ATRNL1: variants seen among roughly 807,000 people sequenced by gnomAD.
ATRNL1 encodes the protein attractin-like protein 1.
ATRNL1 carries 95 observed loss-of-function variants against 182.7 expected under a neutral mutation model. The observed-to-expected ratio is 0.52, with a 90% CI of 0.44 to 0.62. The LOEUF (loss-of-function observed/expected upper bound fraction) is 0.62, where lower values mean the gene tolerates loss of function less well. Among genes scored for constraint, ATRNL1 ranks in the 20% least tolerant of loss-of-function variants. The pLI is 0.00. For synonymous variants in ATRNL1, 576 were observed against 568.3 expected, an observed-to-expected ratio of 1.01 and a Z score of -0.19; for missense variants, 1,471 against 1,679.5, an observed-to-expected ratio of 0.88 and a Z score of 2.17.
intron 25 of ATRNL1, among the ~76,000 whole-genome samples, chr10:115,531,326 G>T (rs1851567415): frequency 6.6e-6 from 1 of 152,002 alleles, no homozygotes; most frequent in African/African-American, 2.4e-5. Flanking sequence ...CATTCTGACT[G>T]GTGTGAGATG....
At chr10:115,782,121 C>A (rs1277532482) in intron 27 of ATRNL1, among the ~76,000 whole-genome samples, 1 of 152,134 alleles carries the variant, frequency 6.6e-6, no homozygotes, top group African/African-American at 2.4e-5. Context: ...AGTGTCTTTA[C>A]GCTATTCTAA....
In ATRNL1 at chr10:115,626,344, G is replaced by T. The variant is rs567317951; in HGVS notation, c.3795+76808G>T. ...TTGCTCAGTGGCCAAATCAACATAG[G>T]TTCATTTTAAACATCAGCTGTTCTG... On this transcript the variant is annotated intron_variant, in intron 26 of 28. Transcript: ENST00000355044. 2.6e-3 allele frequency among the ~76,000 whole-genome samples: 397 copies of T among 152,194 alleles called. 1 individual carries two copies. The highest frequency in any genetic ancestry group is 9.0e-3 in the African/African-American group (373 of 41,546).
At chr10:115,501,801 A>G (rs533898041) in intron 24 of ATRNL1, among the ~76,000 whole-genome samples, 2 of 152,208 alleles carry the variant, frequency 1.3e-5, no homozygotes, top group African/African-American at 2.4e-5. Flanking sequence ...GTAGTCATCT[A>G]TTAGTTCAGT....
intron 5 of ATRNL1, among the ~76,000 whole-genome samples, chr10:115,151,996 T>C (rs1846256291): frequency 6.6e-6 from 1 of 152,208 alleles, no homozygotes; most frequent in Non-Finnish European, 1.5e-5. Context: ...ATTGTTTTTG[T>C]CAGGTTTGTC....
At chr10:115,604,792 A>G (rs1856789684) in intron 26 of ATRNL1, among the ~76,000 whole-genome samples, 1 of 152,152 alleles carries the variant, frequency 6.6e-6, no homozygotes, top group African/African-American at 2.4e-5. Flanking sequence ...AGACTTTCAT[A>G]GATTTTCTCC....
At chr10:115,922,994 G>C (rs1310789229) in intron 28 of ATRNL1, among the ~76,000 whole-genome samples, 2 of 152,066 alleles carry the variant, frequency 1.3e-5, no homozygotes, top group Non-Finnish European at 1.5e-5. Context: ...CACCGTAAAG[G>C]AATATGAATA....
chr10:115,583,745 C>T (rs1438996969), intron 26 of ATRNL1, among the ~76,000 whole-genome samples: 30 of 150,420 alleles, frequency 2.0e-4, no homozygotes, highest in African/African-American at 6.5e-4. Flanking sequence ...CCTTTATTTC[C>T]TTCTCCTGTC....
chr10:115,213,283 G>A (rs140641782), intron 8 of ATRNL1, among the ~76,000 whole-genome samples: 206 of 152,158 alleles, frequency 1.4e-3, no homozygotes, highest in Admixed American at 3.1e-3. Flanking sequence ...AGGTCTTGTG[G>A]TGAGATCTCT....
intron 27 of ATRNL1, among the ~76,000 whole-genome samples, chr10:115,779,359 A>G (rs1949206957): frequency 6.6e-6 from 1 of 152,248 alleles, no homozygotes; most frequent in Non-Finnish European, 1.5e-5. Context: ...GCTCTAGGTC[A>G]GCGAGTCATC....
chr10:115,310,357 G>T (rs151322403), intron 17 of ATRNL1, among the ~76,000 whole-genome samples: 11 of 152,000 alleles, frequency 7.2e-5, no homozygotes, highest in Non-Finnish European at 1.5e-5. Context: ...TTCATAGAAT[G>T]AGTTAGGAAA....
intron 26 of ATRNL1, among the ~76,000 whole-genome samples, chr10:115,592,945 GTCTA>G (rs1264774313): frequency 3.3e-5 from 5 of 152,036 alleles, no homozygotes; most frequent in African/African-American, 4.8e-5. Context: ...CTGTCTATCT[GTCTA>G]TCTATCTATC....
intron 20 of ATRNL1, among the ~76,000 whole-genome samples, chr10:115,424,570 T>C (rs1845796573): frequency 6.6e-6 from 1 of 152,154 alleles, no homozygotes; most frequent in East Asian, 1.9e-4. Flanking sequence ...AAATATGTCA[T>C]ATATTTTTGG....
chr10:115,496,989 C>T lies in ATRNL1; in HGVS notation c.3655-22274C>T, dbSNP rs1323918060. On this transcript the variant is annotated intron_variant, in intron 24 of 28. Coordinates refer to ENST00000355044, the MANE Select transcript of ATRNL1 (RefSeq NM_207303.4). The stretch of plus-strand genomic sequence containing the variant: ...CTGGCTTTCTCTCCCTGTCTTTCAG[C>T]GACACCAGTGAGTTGTAGATTTGGT... 6.6e-5 allele frequency among the ~76,000 whole-genome samples: 10 copies of T among 152,234 alleles called. No homozygotes were observed. In the East Asian group the frequency reaches 9.7e-4, roughly 15 times the overall value.
At chr10:115,117,025 T>A (rs551576275) in intron 1 of ATRNL1, among the ~76,000 whole-genome samples, 35 of 152,018 alleles carry the variant, frequency 2.3e-4, no homozygotes, top group Non-Finnish European at 5.0e-4. Context: ...CTATGGTAGC[T>A]CCTACAATAT....
chr10:115,441,378 T>C (rs1554965675), intron 21 of ATRNL1, among the ~76,000 whole-genome samples: 2 of 151,946 alleles, frequency 1.3e-5, no homozygotes, highest in African/African-American at 2.4e-5. Context: ...CATTTCCTCT[T>C]CAATCCCCAC....
chr10:115,385,051 A>T (rs146775999), intron 19 of ATRNL1, among the ~76,000 whole-genome samples: 34 of 152,072 alleles, frequency 2.2e-4, no homozygotes, highest in African/African-American at 7.2e-4. Context: ...TCTTGGGTAA[A>T]TACTTTAGAG....
rs1470492887 is a variant in ATRNL1 at position 115,355,822 on chromosome 10, ATTTTGTTGATCTTTTTATAGGT to A, written c.3175+21409_3175+21430del. On this transcript the variant is annotated intron_variant, in intron 19 of 28. Transcript: ENST00000355044. ...TTTATATCTGTTATGTTTTTAGTTC[ATTTTGTTGATCTTTTTATAGGT>A]TTTTGAATAGTAGGCTTATCTGATT... is the stretch of plus-strand genomic sequence containing the variant. Among the ~76,000 whole-genome samples, 4 of 151,712 alleles carry A rather than the reference ATTTTGTTGATCTTTTTATAGGT, an allele frequency of 2.6e-5. No individual in the cohort carries two copies. In the South Asian group the frequency reaches 6.2e-4, roughly 24 times the overall value.
At chr10:115,186,981 CAT>C (rs1268875080) in intron 8 of ATRNL1, among the ~76,000 whole-genome samples, 14 of 151,902 alleles carry the variant, frequency 9.2e-5, no homozygotes, top group African/African-American at 3.4e-4. Context: ...TAAAGCAAAA[CAT>C]AAAAATGGCC....
intron 20 of ATRNL1, among the ~76,000 whole-genome samples, chr10:115,395,219 T>C (rs568374737): frequency 1.3e-5 from 2 of 152,130 alleles, no homozygotes; most frequent in South Asian, 4.1e-4. Flanking sequence ...TTCCATGGTG[T>C]ATGTGGACCA....
Sources: allele counts gnomAD v4.1 joint callset (sites outside exome capture counted in the v4.1 genomes callset), GRCh38; gene constraint gnomAD v4.1.1; transcripts MANE v1.5; gene names NCBI Gene and HGNC (gene_info 2026-07-23, HGNC 2026-07-21).